The following VAV2 variants were observed in gnomAD, a reference collection of about 807,000 sequenced individuals.
VAV2 encodes the protein guanine nucleotide exchange factor VAV2.
VAV2 carries 67 observed loss-of-function variants against 132.5 expected under a neutral mutation model. The ratio of observed to expected loss-of-function variants is 0.51; its 90% CI spans 0.42 to 0.62. The LOEUF is 0.62. Among genes scored for constraint, VAV2 ranks in the 20% least tolerant of loss-of-function variants. The pLI, the probability that VAV2 is intolerant of heterozygous loss-of-function variation, is 0.00. For synonymous variants in VAV2, 492 were observed against 443.5 expected, an observed-to-expected ratio of 1.11 and a Z score of -1.37; for missense variants, 938 against 1,153.6, an observed-to-expected ratio of 0.81 and a Z score of 2.71.
rs1299795131 is a variant in VAV2, at chr9:133,794,462, T to C, written c.1101+1206A>G. Among the ~76,000 whole-genome samples the C allele has an allele frequency of 6.6e-6, 1 of 152,142 alleles. No individual in the cohort carries two copies. Among genetic ancestry groups the C allele is most frequent in the Non-Finnish European group, 1.5e-5 (1 of 68,024 alleles). On this transcript the variant is annotated intron_variant, in intron 12 of 29. Coordinates refer to ENST00000371850, the MANE Select transcript of VAV2 (RefSeq NM_001134398.2). This position sits in a 1 kb window ranked among gnomAD's most constrained non-coding sequence, Gnocchi z 4.6. ...CACAAGCCCTGCTCAGAGAACCTCT[T>C]AGCACCGGCGGCCAAGCACTGGCCC...
intron 3 of VAV2, among the ~76,000 whole-genome samples, chr9:133,836,698 CAG>C (rs1383708277): frequency 6.6e-6 from 1 of 152,202 alleles, no homozygotes; most frequent in African/African-American, 2.4e-5. Context: ...TTTAGGGAAA[CAG>C]GGCATCCCAT....
intron 2 of VAV2, among the ~76,000 whole-genome samples, chr9:133,905,265 CT>C (rs1199018376): frequency 4.7e-4 from 20 of 42,672 alleles, no homozygotes; most frequent in African/African-American, 1.6e-3. Flanking sequence ...CCCATCTCTA[CT>C]AAAAAAAAAA....
chr9:133,836,306 G>C (rs948436909), intron 3 of VAV2, among the ~76,000 whole-genome samples: 3 of 152,174 alleles, frequency 2.0e-5, no homozygotes, highest in African/African-American at 7.2e-5. Flanking sequence ...TCAGGACCCA[G>C]AGATGGAGGC....
intron 2 of VAV2, among the ~76,000 whole-genome samples, chr9:133,932,915 G>A (rs2132112746): frequency 6.6e-6 from 1 of 152,380 alleles, no homozygotes; most frequent in Middle Eastern, 3.4e-3. Context: ...GAACCAGGCT[G>A]ACTCATGGTG....
At chr9:133,981,233 T>C (rs1842683306) in intron 1 of VAV2, among the ~76,000 whole-genome samples, 3 of 152,324 alleles carry the variant, frequency 2.0e-5, no homozygotes, top group South Asian at 4.1e-4. Context: ...TGTAGGACCA[T>C]CTGGCTCACC....
rs963426395 is a variant in VAV2 at position 133,985,925 on chromosome 9, G to C, written c.204+6150C>G. Among the ~76,000 whole-genome samples, 64 of 152,040 alleles carry C rather than the reference G, an allele frequency of 4.2e-4. 2 individuals are homozygous for C. The highest frequency in any genetic ancestry group is 2.2e-4 in the Non-Finnish European group (15 of 68,008). The stretch of plus-strand genomic sequence containing the variant: ...CATAATCCAAACTGGAGACATGGCA[G>C]CAAGGGACAGAATGAGGGAGGGAGA... On this transcript the variant is annotated intron_variant, in intron 1 of 29. Coordinates refer to ENST00000371850, the MANE Select transcript of VAV2 (RefSeq NM_001134398.2).
Position 133,992,231 on chromosome 9 carries a change from G to A in VAV2, c.48C>T (p.Val16=). The change falls in exon 1 of 30, where the codon GTC becomes GTT. Residue 16 remains valine (V), a synonymous_variant. Coordinates refer to ENST00000371850, the MANE Select transcript of VAV2 (RefSeq NM_001134398.2). The surrounding 1 kb of genome is among the most constrained non-coding windows in gnomAD (Gnocchi z 5.5). ...QCGRWLIDCK[V]LPPNHRVVWP... ...ACACCACCCGGTGGTTGGGCGGCAG[G>A]ACCTTGCAATCGATGAGCCAGCGGC... 6.3e-7 allele frequency: 1 copy of A among 1,589,600 alleles called. No homozygotes were observed.
rs183731807 is a variant in VAV2, at chr9:133,820,349, G to A, written c.450-8133C>T. Among the ~76,000 whole-genome samples, 74 of 146,154 alleles carry A rather than the reference G, an allele frequency of 5.1e-4. 1 individual carries two copies. The East Asian group carries it at 0.014, about 27-fold the overall frequency. ...TTTTTCTTTTTTTTTTTTTTGAGACGGAGTCTCGCTGTCGCCCAGGCTGAA... is the reference window on the plus strand; with the variant it reads ...TTTTTCTTTTTTTTTTTTTTGAGACAGAGTCTCGCTGTCGCCCAGGCTGAA... On this transcript the variant is annotated intron_variant, in intron 4 of 29. Transcript: ENST00000371850.
intron 25 of VAV2, among the ~76,000 whole-genome samples, 193 bp downstream of exon 25, chr9:133,774,742 C>CA (rs965533597): frequency 6.6e-6 from 1 of 152,194 alleles, no homozygotes; most frequent in African/African-American, 2.4e-5. Flanking sequence ...GCCAGGGGTT[C>CA]AGGCCCTGCC....
At chr9:133,974,278 ACCCAG>A (rs1257985862) in intron 1 of VAV2, among the ~76,000 whole-genome samples, 1 of 152,052 alleles carries the variant, frequency 6.6e-6, no homozygotes, top group Non-Finnish European at 1.5e-5. Flanking sequence ...GTGAGTGAAT[ACCCAG>A]GCCCACCACA....
chr9:133,871,800 A>C (rs1838066538), intron 2 of VAV2, among the ~76,000 whole-genome samples: 1 of 152,168 alleles, frequency 6.6e-6, no homozygotes. Context: ...GGGAGGCTGA[A>C]GCCTGGGTCT....
In VAV2 at chr9:133,763,934, T is replaced by C. The variant is rs372039875; in HGVS notation, c.*128A>G. 1,435 of 1,144,674 alleles carry C rather than the reference T, an allele frequency of 1.3e-3. 16 individuals are homozygous for C. The African/African-American group carries it at 0.02, about 16-fold the overall frequency. The allele number at this position is 1,144,674 out of a possible 1,614,324, so 70.9% of individuals were successfully genotyped here. The stretch of plus-strand genomic sequence containing the variant: ...TTTAGGATTCTCAACACCCTCCCTA[T>C]CCCTGTGGGCAGTGGAAGACTGGGA... On this transcript the variant is annotated 3_prime_UTR_variant, in exon 30 of 30. Coordinates refer to ENST00000371850, the MANE Select transcript of VAV2 (RefSeq NM_001134398.2). This position sits in a 1 kb window ranked among gnomAD's most constrained non-coding sequence, Gnocchi z 6.8.
At position 133,991,175 on chromosome 9, in the gene VAV2, G is replaced by A. The variant is rs1159549007; in HGVS notation, c.204+900C>T. 6.6e-6 allele frequency among the ~76,000 whole-genome samples: 1 copy of A among 152,196 alleles called. No homozygotes were observed. The highest frequency in any genetic ancestry group is 1.5e-5 in the Non-Finnish European group (1 of 68,042). On this transcript the variant is annotated intron_variant, in intron 1 of 29. Coordinates refer to ENST00000371850, the MANE Select transcript of VAV2 (RefSeq NM_001134398.2). The surrounding 1 kb of genome is among the most constrained non-coding windows in gnomAD (Gnocchi z 4.8). ...TCCTCGGCGCTGGGTGGACCCGGCTGCCACCCGCTCTGCCTCCCCCGACCT... is the reference window on the plus strand; with the variant it reads ...TCCTCGGCGCTGGGTGGACCCGGCTACCACCCGCTCTGCCTCCCCCGACCT...
intron 4 of VAV2, among the ~76,000 whole-genome samples, chr9:133,815,384 C>A (rs12552000): frequency 0.24 from 36,011 of 151,914 alleles, 5,011 homozygotes; most frequent in African/African-American, 0.39. Context: ...TGACAAGTGG[C>A]TACACCTGTG....
At chr9:133,920,947 G>T (rs1312120014) in intron 2 of VAV2, among the ~76,000 whole-genome samples, 1 of 152,212 alleles carries the variant, frequency 6.6e-6, no homozygotes, top group Admixed American at 6.5e-5. Context: ...CCTCCGTGGG[G>T]GGCCCTGCTA....
chr9:133,783,876 C>CTT (rs1564342140), intron 18 of VAV2, among the ~76,000 whole-genome samples: 113 of 125,002 alleles, frequency 9.0e-4, no homozygotes, highest in African/African-American at 3.0e-3. Flanking sequence ...TTGGCTGGGC[C>CTT]GTTTTTTTTT....
intron 2 of VAV2, among the ~76,000 whole-genome samples, chr9:133,881,649 C>T (rs568039397): frequency 1.3e-4 from 20 of 152,314 alleles, no homozygotes; most frequent in African/African-American, 4.3e-4. Flanking sequence ...AGGTCCCAGA[C>T]GTCCTTGAGG....
chr9:133,890,319 G>A (rs756576708), intron 2 of VAV2, among the ~76,000 whole-genome samples: 3 of 152,212 alleles, frequency 2.0e-5, no homozygotes, highest in East Asian at 1.9e-4. Flanking sequence ...GACTGACGGC[G>A]CGTCTCACGC....
chr9:133,792,087 A>C (rs1355453349), intron 12 of VAV2, among the ~76,000 whole-genome samples: 1 of 113,434 alleles, frequency 8.8e-6, no homozygotes. Context: ...GTGAGACAGC[A>C]TGTGTGTGTG....
Sources: allele counts gnomAD v4.1 joint callset (sites outside exome capture counted in the v4.1 genomes callset), GRCh38; gene constraint gnomAD v4.1.1; non-coding constraint Gnocchi (gnomAD v3.1); transcripts MANE v1.5; gene names NCBI Gene and HGNC (gene_info 2026-07-23, HGNC 2026-07-21).